The following CUL1 variants were observed in gnomAD, a reference collection of about 807,000 sequenced individuals.
CUL1 encodes the protein cullin 1, also known as cullin-1.
CUL1 carries 24 observed loss-of-function variants against 118.0 expected under a neutral mutation model. That is an observed-to-expected ratio of 0.20 (90% confidence interval 0.15 to 0.29). The LOEUF (loss-of-function observed/expected upper bound fraction) is 0.29, where lower values mean the gene tolerates loss of function less well. CUL1 is among the 10% of genes least tolerant of loss of function. The pLI is 1.00. For missense variants in CUL1, 361 were observed against 933.8 expected (o/e 0.39, Z 7.99); for synonymous variants, 332 against 340.4 (o/e 0.98, Z 0.27).
chr7:148,718,069 C>G (rs184061710), intron 1 of CUL1, among the ~76,000 whole-genome samples: 2 of 152,296 alleles, frequency 1.3e-5, no homozygotes, highest in Admixed American at 1.3e-4. Context: ...CTCAGTAATA[C>G]TGCTTTTAGC....
intron 2 of CUL1, among the ~76,000 whole-genome samples, chr7:148,750,230 C>T (rs1236169369): frequency 2.6e-5 from 4 of 151,254 alleles, no homozygotes; most frequent in Non-Finnish European, 5.9e-5. Context: ...AAGGTGGCTG[C>T]GTAAGCAACA....
chr7:148,797,937 G>A lies in CUL1; in HGVS notation c.1948G>A (p.Val650Ile). 1 of 1,612,846 alleles carries A rather than the reference G, an allele frequency of 6.2e-7. No homozygotes were observed. The highest frequency in any genetic ancestry group is 8.5e-7 in the Non-Finnish European group (1 of 1,179,006). Reference sequence around the variant, plus strand: ...TAGAGTAACAATTGTTTTCTTACAGGTCTTGGAAGATGAAAATGCAAATGT... The same window carrying A: ...TAGAGTAACAATTGTTTTCTTACAGATCTTGGAAGATGAAAATGCAAATGT... ...LQILLKSKLL[V>I]LEDENANVDE... The change falls in exon 19 of 22, where the codon GTC becomes ATC. Residue 650 changes from valine (V) to isoleucine (I), a missense_variant and splice_region_variant. This residue lies in a region of CUL1 where 84 missense variants were observed against 203.3 expected (regional missense o/e 0.41). Coordinates refer to ENST00000325222, the MANE Select transcript of CUL1 (RefSeq NM_003592.3).
chr7:148,716,060 A>G (rs1175885520), intron 1 of CUL1, among the ~76,000 whole-genome samples: 1 of 152,186 alleles, frequency 6.6e-6, no homozygotes, highest in East Asian at 1.9e-4. Context: ...TTACAATTAT[A>G]TTGTTGCCGG....
intron 9 of CUL1, 31 bp from the exon 10 acceptor site, chr7:148,783,752 A>G: frequency 6.2e-7 from 1 of 1,608,870 alleles, no homozygotes; most frequent in Non-Finnish European, 8.5e-7. Context: ...CCAATAACCA[A>G]CTTTTGTTTC....
intron 9 of CUL1, 62 bp downstream of exon 9, chr7:148,767,811 T>G: frequency 6.6e-7 from 1 of 1,509,938 alleles, no homozygotes; most frequent in Non-Finnish European, 9.1e-7. Flanking sequence ...ACTGCAAGCA[T>G]ATGTTATGCG....
chr7:148,778,977 T>TA (rs1310428224), intron 9 of CUL1, among the ~76,000 whole-genome samples: 4 of 152,198 alleles, frequency 2.6e-5, no homozygotes, highest in Admixed American at 1.3e-4. Flanking sequence ...GTTCGAGTGT[T>TA]AAAGTATCAC....
At chr7:148,772,235 C>T (rs181732961) in intron 9 of CUL1, among the ~76,000 whole-genome samples, 1 of 151,962 alleles carries the variant, frequency 6.6e-6, no homozygotes, top group Non-Finnish European at 1.5e-5. Flanking sequence ...GCCAACATGG[C>T]GAAACCCCGT....
At chr7:148,732,149 T>C (rs1016356830) in intron 2 of CUL1, among the ~76,000 whole-genome samples, 7 of 152,104 alleles carry the variant, frequency 4.6e-5, no homozygotes, top group African/African-American at 1.4e-4. Context: ...GTATGGCATT[T>C]TCTTAATTCT....
At position 148,747,999 on chromosome 7, in the gene CUL1, C is replaced by A. The variant is rs575247145; in HGVS notation, c.141-5977C>A. Among the ~76,000 whole-genome samples the A allele has an allele frequency of 2.6e-5, 4 of 152,154 alleles. No homozygotes were observed. In the South Asian group the frequency reaches 6.2e-4, roughly 24 times the overall value. On this transcript the variant is annotated intron_variant, in intron 2 of 21. Coordinates refer to ENST00000325222, the MANE Select transcript of CUL1 (RefSeq NM_003592.3). Reference sequence around the variant, plus strand: ...ATATTTGAAGAGGTAATAGAATCTTCCAAAATTGTTGCAAGGTAAAGTGGG... The same window carrying A: ...ATATTTGAAGAGGTAATAGAATCTTACAAAATTGTTGCAAGGTAAAGTGGG...
chr7:148,783,376 C>T, intron 9 of CUL1: 7 of 985,452 alleles, frequency 7.1e-6, no homozygotes, highest in Non-Finnish European at 8.4e-6. Flanking sequence ...GCGTTGCCTG[C>T]CCAGCCGGGC....
intron 9 of CUL1, among the ~76,000 whole-genome samples, chr7:148,775,011 G>A (rs1218658587): frequency 6.6e-6 from 1 of 152,158 alleles, no homozygotes; most frequent in Non-Finnish European, 1.5e-5. Context: ...GAAGACTAAG[G>A]GGTAGATCCG....
intron 3 of CUL1, 135 bp downstream of exon 3, chr7:148,754,285 A>G (rs560766643): frequency 8.3e-5 from 50 of 604,040 alleles, no homozygotes; most frequent in Middle Eastern, 4.5e-4. Context: ...GTGTTTTGCT[A>G]TTGCATAGTC....
At chr7:148,749,882 G>A (rs1255056076) in intron 2 of CUL1, among the ~76,000 whole-genome samples, 1 of 152,212 alleles carries the variant, frequency 6.6e-6, no homozygotes, top group East Asian at 1.9e-4. Context: ...AGTTCTTGGA[G>A]GAAATTAAAA....
At chr7:148,729,668 G>A (rs1798693339) in intron 1 of CUL1, among the ~76,000 whole-genome samples, 1 of 152,052 alleles carries the variant, frequency 6.6e-6, no homozygotes, top group African/African-American at 2.4e-5. Flanking sequence ...TGTCATCTAG[G>A]TCAAGTGATA....
At chr7:148,735,286 C>T (rs948573235) in intron 2 of CUL1, among the ~76,000 whole-genome samples, 8 of 152,254 alleles carry the variant, frequency 5.3e-5, no homozygotes, top group Non-Finnish European at 8.8e-5. Context: ...GAGCCTGCGG[C>T]TGTGCTTTGC....
chr7:148,705,677 A>G (rs1460984635), intron 1 of CUL1, among the ~76,000 whole-genome samples: 1 of 152,180 alleles, frequency 6.6e-6, no homozygotes, highest in Admixed American at 6.5e-5. Flanking sequence ...ACTGGAAGGA[A>G]AGGTTTGGAA....
At chr7:148,792,671 T>C in intron 16 of CUL1, 55 bp from the exon 17 acceptor site, 2 of 1,241,314 alleles carry the variant, frequency 1.6e-6, no homozygotes, top group Non-Finnish European at 1.1e-6. Flanking sequence ...TTTTGGGAGG[T>C]GTTTCCATGC....
chr7:148,719,688 T>TA (rs1217342430), intron 1 of CUL1, among the ~76,000 whole-genome samples: 1 of 152,224 alleles, frequency 6.6e-6, no homozygotes, highest in Non-Finnish European at 1.5e-5. Context: ...TCCAACAAAG[T>TA]AGAGCTTTAA....
rs184989237 is a variant in CUL1, at chr7:148,732,108, T to C, written c.140+1846T>C. On this transcript the variant is annotated intron_variant, in intron 2 of 21. Transcript: ENST00000325222. ...AGAGTCTTTGCCAAGTGAGAAGATA[T>C]TATGCCCCCAACAGGGTTCTGGCTT... 2.7e-3 allele frequency among the ~76,000 whole-genome samples: 417 copies of C among 152,280 alleles called. 2 individuals are homozygous for C. The highest frequency in any genetic ancestry group is 8.6e-3 in the African/African-American group (357 of 41,556).
Sources: allele counts gnomAD v4.1 joint callset (sites outside exome capture counted in the v4.1 genomes callset), GRCh38; gene constraint gnomAD v4.1.1; regional missense constraint gnomAD v4.1.1; transcripts MANE v1.5; gene names NCBI Gene and HGNC (gene_info 2026-07-23, HGNC 2026-07-21).